The following NTRK3 variants were observed in gnomAD, a reference collection of about 807,000 sequenced individuals.
The protein encoded by NTRK3 is NT-3 growth factor receptor.
Under a neutral mutation model 91.7 loss-of-function variants are expected in NTRK3, and 24 were observed. The observed-to-expected ratio is 0.26, with a 90% CI of 0.19 to 0.37. NTRK3 has a LOEUF of 0.37. Ranked by LOEUF, NTRK3 falls within the 10% of genes least tolerant of loss-of-function variation. The pLI is 1.00. For missense variants in NTRK3, 880 were observed against 1,068.9 expected, an observed-to-expected ratio of 0.82 and a Z score of 2.46; for synonymous variants, 483 against 404.0, an observed-to-expected ratio of 1.20 and a Z score of -2.34.
intron 14 of NTRK3, among the ~76,000 whole-genome samples, chr15:87,985,348 A>T (rs1042236418): frequency 1.3e-5 from 2 of 152,238 alleles, no homozygotes; most frequent in Admixed American, 1.3e-4. Flanking sequence ...AATGCCAACA[A>T]GCAGGACTTT....
intron 3 of NTRK3, among the ~76,000 whole-genome samples, chr15:88,247,194 C>T (rs1045274908): frequency 6.6e-6 from 1 of 152,210 alleles, no homozygotes; most frequent in Admixed American, 6.5e-5. Context: ...CTATTGCTCC[C>T]TTCGTGTTCT....
At chr15:87,928,718 T>G in intron 17 of NTRK3, 1 of 217,180 alleles carries the variant, frequency 4.6e-6, no homozygotes, top group Non-Finnish European at 9.3e-6. Context: ...CCTCTTCTCA[T>G]CAAGATCTAC....
chr15:88,133,248 G>A (rs984503046), intron 10 of NTRK3, among the ~76,000 whole-genome samples: 4 of 152,142 alleles, frequency 2.6e-5, no homozygotes, highest in Non-Finnish European at 5.9e-5. Context: ...ATCTCGTGGG[G>A]GCAGAGGAGG....
chr15:88,144,772 C>T (rs1354541350), intron 6 of NTRK3, among the ~76,000 whole-genome samples: 1 of 152,162 alleles, frequency 6.6e-6, no homozygotes, highest in African/African-American at 2.4e-5. Flanking sequence ...ACATTAGATG[C>T]TCAAGATGTG....
intron 16 of NTRK3, among the ~76,000 whole-genome samples, chr15:87,931,623 G>A (rs2068804725): frequency 1.3e-5 from 2 of 152,150 alleles, no homozygotes; most frequent in East Asian, 1.9e-4. Context: ...TAAAGACAAA[G>A]TTCTCCAGGA....
intron 14 of NTRK3, among the ~76,000 whole-genome samples, chr15:88,001,277 T>C (rs1379045828): frequency 6.6e-6 from 1 of 152,212 alleles, no homozygotes; most frequent in Non-Finnish European, 1.5e-5. Flanking sequence ...TTTTCTACCA[T>C]TCAGTGGGTT....
chr15:87,943,443 G>C (rs542164389), intron 14 of NTRK3, among the ~76,000 whole-genome samples: 1 of 152,186 alleles, frequency 6.6e-6, no homozygotes, highest in South Asian at 2.1e-4. Context: ...ATGCAGTGCA[G>C]ATCATGCCTC....
At chr15:88,013,206 C>A (rs933517342) in intron 14 of NTRK3, among the ~76,000 whole-genome samples, 9 of 151,472 alleles carry the variant, frequency 5.9e-5, no homozygotes, top group Non-Finnish European at 1.0e-4. Flanking sequence ...AAACCGTGCA[C>A]TGGTAAAGAC....
chr15:87,913,835 T>A (rs1251633544), intron 17 of NTRK3, among the ~76,000 whole-genome samples: 1 of 152,192 alleles, frequency 6.6e-6, no homozygotes, highest in Non-Finnish European at 1.5e-5. Flanking sequence ...AAATCTTGAG[T>A]GGCTCTTAGG....
chr15:88,252,984 A>C (rs892720530), intron 3 of NTRK3: 1 of 152,276 alleles, frequency 6.6e-6, no homozygotes, highest in Non-Finnish European at 1.5e-5. Context: ...ATCCCTGAGA[A>C]GCAGAACCAC....
intron 5 of NTRK3, among the ~76,000 whole-genome samples, chr15:88,154,028 G>A (rs2043649297): frequency 6.7e-6 from 1 of 149,886 alleles, no homozygotes; most frequent in African/African-American, 2.5e-5. Context: ...CAAGAAAAGA[G>A]TGCTGTTCTA....
At chr15:87,970,672 C>T (rs1471392956) in intron 14 of NTRK3, among the ~76,000 whole-genome samples, 1 of 152,174 alleles carries the variant, frequency 6.6e-6, no homozygotes, top group Non-Finnish European at 1.5e-5. Flanking sequence ...ACTCTAAGAG[C>T]TGGCCATATT....
chr15:88,160,944 T>C (rs1478898231), intron 5 of NTRK3, among the ~76,000 whole-genome samples: 1 of 152,206 alleles, frequency 6.6e-6, no homozygotes, highest in Non-Finnish European at 1.5e-5. Flanking sequence ...TCTCTGGACC[T>C]CAGATTCTTC....
At chr15:88,162,789 C>A (rs2044586882) in intron 5 of NTRK3, among the ~76,000 whole-genome samples, 1 of 152,192 alleles carries the variant, frequency 6.6e-6, no homozygotes, top group South Asian at 2.1e-4. Flanking sequence ...GCTTCCTCCT[C>A]TTTCTCCAGC....
chr15:88,078,878 C>T (rs571165783), intron 13 of NTRK3, among the ~76,000 whole-genome samples: 14 of 152,284 alleles, frequency 9.2e-5, no homozygotes, highest in Non-Finnish European at 1.3e-4. Context: ...TGGACGAGCA[C>T]GGGGGAAAGT....
chr15:87,859,979 C>A lies in NTRK3; in HGVS notation c.*16956G>T, dbSNP rs1290375667. Reference sequence around the variant, plus strand: ...ATATATACATGTACATGTGCATATACATACCTATGTCCATACATACACACA... The same window carrying A: ...ATATATACATGTACATGTGCATATAAATACCTATGTCCATACATACACACA... On this transcript the variant is annotated 3_prime_UTR_variant, in exon 19 of 19. Coordinates refer to ENST00000394480, the Ensembl canonical transcript of NTRK3. The A allele has an allele frequency of 1.5e-5, 3 of 194,374 alleles. No homozygotes were observed. The Admixed American group carries it at 1.8e-4, about 12-fold the overall frequency. The allele number at this position is 194,374 out of a possible 1,614,324, so 12.0% of individuals were successfully genotyped here.
exon 19 of NTRK3, chr15:87,868,486 T>TAGAATC: frequency 4.6e-6 from 1 of 219,262 alleles, no homozygotes; most frequent in Non-Finnish European, 9.1e-6. Flanking sequence ...CAAAGGGAAT[T>TAGAATC]AGAATCAGTA....
intron 18 of NTRK3, among the ~76,000 whole-genome samples, chr15:87,878,454 A>G (rs1481529006): frequency 6.6e-6 from 1 of 152,026 alleles, no homozygotes; most frequent in Non-Finnish European, 1.5e-5. Context: ...TCATTTCTTT[A>G]CCAGCCTGAT....
At chr15:87,901,189 C>G (rs766602550) in intron 17 of NTRK3, among the ~76,000 whole-genome samples, 2 of 152,212 alleles carry the variant, frequency 1.3e-5, no homozygotes, top group Non-Finnish European at 2.9e-5. Flanking sequence ...TGCCTCTTGG[C>G]TTCTCCTTCA....
Sources: allele counts gnomAD v4.1 joint callset (sites outside exome capture counted in the v4.1 genomes callset), GRCh38; gene constraint gnomAD v4.1.1; transcripts MANE v1.5; gene names NCBI Gene and HGNC (gene_info 2026-07-23, HGNC 2026-07-21).